Variants in PARD3B observed in about 807,000 individuals in gnomAD.
PARD3B encodes partitioning defective 3 homolog B.
PARD3B carries 103 observed loss-of-function variants against 130.2 expected under a neutral mutation model. That is an observed-to-expected ratio of 0.79 (90% CI 0.67 to 0.93). The LOEUF is 0.93. Ranked by LOEUF, PARD3B falls within the 40% of genes least tolerant of loss-of-function variation. PARD3B has a pLI of 0.00. For missense variants in PARD3B, 1,609 were observed against 1,499.2 expected (o/e 1.07, Z -1.21); for synonymous variants, 583 against 553.2 (o/e 1.05, Z -0.76).
At chr2:204,926,252 G>T (rs1687608008) in intron 2 of PARD3B, among the ~76,000 whole-genome samples, 1 of 152,044 alleles carries the variant, frequency 6.6e-6, no homozygotes, top group Non-Finnish European at 1.5e-5. Flanking sequence ...GATGGTGCTT[G>T]GACAAATAAA....
At chr2:205,604,647 T>G (rs916756867) in intron 22 of PARD3B, among the ~76,000 whole-genome samples, 1 of 152,158 alleles carries the variant, frequency 6.6e-6, no homozygotes, top group African/African-American at 2.4e-5. Context: ...CATTTTTTCC[T>G]TCATTTTGAC....
chr2:205,603,597 T>A (rs1006320680), intron 22 of PARD3B, among the ~76,000 whole-genome samples: 2 of 152,228 alleles, frequency 1.3e-5, no homozygotes, highest in Non-Finnish European at 2.9e-5. Context: ...CCCTTTACCA[T>A]TATGTAATAC....
intron 15 of PARD3B, among the ~76,000 whole-genome samples, chr2:205,236,900 C>T (rs1262884495): frequency 6.6e-6 from 1 of 152,054 alleles, no homozygotes; most frequent in African/African-American, 2.4e-5. Flanking sequence ...TTAAAGAGTA[C>T]TATTTGGGGA....
At position 205,034,673 on chromosome 2, in the gene PARD3B, A is replaced by G. The variant is rs372588668; in HGVS notation, c.395-12908A>G. Among the ~76,000 whole-genome samples, 26 of 152,330 alleles carry G rather than the reference A, an allele frequency of 1.7e-4. 1 individual carries two copies. In the East Asian group the frequency reaches 3.1e-3, roughly 18 times the overall value. On this transcript the variant is annotated intron_variant, in intron 3 of 22. Transcript: ENST00000406610. ...GGATTGCTATTTAAGAAAAGCAGCA[A>G]TAATTTTTTAAAAATTATATAGAAA...
At chr2:205,072,240 CTT>C (rs34061560) in intron 4 of PARD3B, among the ~76,000 whole-genome samples, 62 of 140,502 alleles carry the variant, frequency 4.4e-4, no homozygotes, top group Middle Eastern at 3.7e-3. Flanking sequence ...AATTCAGGTC[CTT>C]TTTTTTTTTT....
chr2:205,437,836 A>G (rs924222182), intron 19 of PARD3B, among the ~76,000 whole-genome samples: 15 of 152,204 alleles, frequency 9.9e-5, no homozygotes, highest in African/African-American at 3.6e-4. Flanking sequence ...CAAATAAAAA[A>G]GGGTATCTTT....
intron 2 of PARD3B, among the ~76,000 whole-genome samples, chr2:204,838,122 G>T (rs1187216023): frequency 1.3e-5 from 2 of 152,278 alleles, no homozygotes; most frequent in East Asian, 1.9e-4. Flanking sequence ...AACTGACTTT[G>T]TGCTGAGCAA....
intron 1 of PARD3B, among the ~76,000 whole-genome samples, chr2:204,594,957 G>A (rs1296853093): frequency 6.6e-6 from 1 of 152,124 alleles, no homozygotes; most frequent in Non-Finnish European, 1.5e-5. Flanking sequence ...AAAAATTTCA[G>A]TGATGCCTCC....
chr2:204,742,578 G>A (rs970673127), intron 2 of PARD3B, among the ~76,000 whole-genome samples: 10 of 152,124 alleles, frequency 6.6e-5, no homozygotes, highest in African/African-American at 2.4e-4. Context: ...TTTTAACCAG[G>A]GTTGTTTTAT....
intron 16 of PARD3B, among the ~76,000 whole-genome samples, chr2:205,247,784 G>T (rs1413672997): frequency 6.6e-6 from 1 of 152,172 alleles, no homozygotes; most frequent in African/African-American, 2.4e-5. Context: ...ACCATATACT[G>T]TAGAGTCACA....
chr2:205,214,398 G>C (rs1332306687), intron 15 of PARD3B, among the ~76,000 whole-genome samples: 1 of 151,736 alleles, frequency 6.6e-6, no homozygotes, highest in Non-Finnish European at 1.5e-5. Context: ...TGTCACTTGT[G>C]GCAAATATTG....
intron 20 of PARD3B, among the ~76,000 whole-genome samples, chr2:205,450,543 G>C (rs921773149): frequency 7.3e-6 from 1 of 137,104 alleles, no homozygotes; most frequent in South Asian, 2.2e-4. Context: ...GCATGATCTC[G>C]GCTCACTGCA....
intron 2 of PARD3B, among the ~76,000 whole-genome samples, chr2:204,853,023 G>A (rs1244543175): frequency 6.6e-6 from 1 of 152,038 alleles, no homozygotes; most frequent in Non-Finnish European, 1.5e-5. Context: ...TCATTGGATT[G>A]TTTAATTAGT....
At chr2:205,380,788 C>T (rs1210194229) in intron 18 of PARD3B, among the ~76,000 whole-genome samples, 2 of 91,018 alleles carry the variant, frequency 2.2e-5, no homozygotes, top group Non-Finnish European at 3.7e-5. Context: ...AAAGAATATA[C>T]ATTATATATA....
intron 22 of PARD3B, among the ~76,000 whole-genome samples, chr2:205,579,325 T>TCTCATC (rs929198887): frequency 2.0e-5 from 3 of 152,272 alleles, no homozygotes; most frequent in East Asian, 3.9e-4. Flanking sequence ...TTCCTGGCTC[T>TCTCATC]CTCATCCTCA....
At chr2:205,389,223 G>A (rs948853213) in intron 18 of PARD3B, among the ~76,000 whole-genome samples, 1 of 152,072 alleles carries the variant, frequency 6.6e-6, no homozygotes, top group Non-Finnish European at 1.5e-5. Context: ...AGAGATATTA[G>A]TTAACTTTAA....
chr2:204,682,730 A>G (rs55715777), intron 1 of PARD3B, among the ~76,000 whole-genome samples: 5,750 of 152,186 alleles, frequency 0.038, 389 homozygotes, highest in African/African-American at 0.13. Context: ...TTCTTGGACT[A>G]CAGGCATCTT....
At chr2:204,765,354 T>C (rs1308727357) in intron 2 of PARD3B, among the ~76,000 whole-genome samples, 1 of 152,164 alleles carries the variant, frequency 6.6e-6, no homozygotes, top group African/African-American at 2.4e-5. Context: ...TGTCTAAAAT[T>C]GGAGAACCAC....
At chr2:205,169,051 G>A (rs1436607037) in intron 11 of PARD3B, among the ~76,000 whole-genome samples, 1 of 152,136 alleles carries the variant, frequency 6.6e-6, no homozygotes, top group Non-Finnish European at 1.5e-5. Context: ...AACGGAAGAG[G>A]TTGGATGAGA....
Sources: allele counts gnomAD v4.1 joint callset (sites outside exome capture counted in the v4.1 genomes callset), GRCh38; gene constraint gnomAD v4.1.1; transcripts MANE v1.5; gene names NCBI Gene and HGNC (gene_info 2026-07-23, HGNC 2026-07-21).